The following ZNF492 variants were observed in gnomAD, a reference collection of about 807,000 sequenced individuals.
ZNF492 encodes the protein zinc finger protein 115 (Y20).
A neutral mutation model predicts 6.4 loss-of-function variants in ZNF492; 3 were observed. That is an observed-to-expected ratio of 0.47 (90% CI 0.21 to 1.22). The LOEUF (loss-of-function observed/expected upper bound fraction) is 1.22. ZNF492 is among the 50% of genes most tolerant of loss of function. The pLI is 0.22. For missense variants in ZNF492, 356 were observed against 612.5 expected (o/e 0.58, Z 4.42); for synonymous variants, 112 against 205.3 (o/e 0.55, Z 3.89).
chr19:22,655,153 G>T (rs1971981680), intron 3 of ZNF492, among the ~76,000 whole-genome samples: 1 of 151,714 alleles, frequency 6.6e-6, no homozygotes, highest in Admixed American at 6.6e-5. Context: ...AATTAGTCAG[G>T]CGTGGTGACA....
rs764014944 is a variant in ZNF492, at chr19:22,663,916, A to G, written c.247A>G (p.Lys83Glu). Residue 83 changes from lysine to glutamate, a missense_variant, in exon 4 of 4, where the codon AAA becomes GAA. Physicochemically the swap from Lys to Glu is moderately conservative, Grantham distance 56. Coordinates refer to ENST00000456783, the MANE Select transcript of ZNF492 (RefSeq NM_020855.3). Reference protein sequence around the residue: ...KCGCENLQLRKYCKSMDECKV... With the variant: ...KCGCENLQLREYCKSMDECKV... Reference sequence around the variant, plus strand: ...TGGATGTGAAAATTTACAGTTAAGAAAATACTGTAAAAGCATGGATGAGTG... The same window carrying G: ...TGGATGTGAAAATTTACAGTTAAGAGAATACTGTAAAAGCATGGATGAGTG... 17 of 1,601,916 alleles carry G rather than the reference A, an allele frequency of 1.1e-5. No individual in the cohort carries two copies. The South Asian group carries it at 1.9e-4, about 18-fold the overall frequency.
In ZNF492 at chr19:22,663,996, G is replaced by A. The variant is rs771535854; in HGVS notation, c.327G>A (p.Gln109=). The A allele has an allele frequency of 6.2e-7, 1 of 1,611,392 alleles. No individual in the cohort carries two copies. Among genetic ancestry groups the A allele is most frequent in the Non-Finnish European group, 8.5e-7 (1 of 1,178,612 alleles). The change falls in exon 4 of 4, where the codon CAG becomes CAA. Residue 109 remains glutamine (Q), a synonymous_variant. Transcript: ENST00000456783. The stretch of plus-strand genomic sequence containing the variant: ...TTAACCAGTGTTTGACGACTACCCA[G>A]AACAAAATATTTCAATGTGACAAAT... ...NGLNQCLTTT[Q]NKIFQCDKYV...
chr19:22,640,716 C>G (rs1971817907), intron 1 of ZNF492, among the ~76,000 whole-genome samples: 1 of 152,182 alleles, frequency 6.6e-6, no homozygotes, highest in South Asian at 2.1e-4. Context: ...CTTTGTCCAT[C>G]TACTAGAATT....
intron 3 of ZNF492, among the ~76,000 whole-genome samples, chr19:22,661,176 A>G (rs1213167981): frequency 6.6e-6 from 1 of 151,196 alleles, no homozygotes; most frequent in Non-Finnish European, 1.5e-5. Flanking sequence ...AGGATTTTCC[A>G]GTTGTTTATT....
chr19:22,636,697 C>T (rs916115702), intron 1 of ZNF492, among the ~76,000 whole-genome samples: 2 of 151,270 alleles, frequency 1.3e-5, no homozygotes, highest in African/African-American at 2.4e-5. Context: ...GGCAATGGCA[C>T]GATCTTGGCT....
rs59051481 is a variant in ZNF492 at position 22,652,221 on chromosome 19, C to CTT, written c.-93-1070_-93-1069dup. 3.3e-4 allele frequency among the ~76,000 whole-genome samples: 35 copies of CTT among 105,452 alleles called. 3 individuals are homozygous for CTT. Among genetic ancestry groups the CTT allele is most frequent in the East Asian group, 3.3e-3 (13 of 3,940 alleles). 69.2% of individuals were successfully genotyped at this position (105,452 alleles called of 152,430 possible). ...AATCTGGCAGCTGACCTTTCTTAGG[C>CTT]TTTTTTTTTTTTTTTTTGAGACGGA... On this transcript the variant is annotated intron_variant, in intron 1 of 3. Coordinates refer to ENST00000456783, the MANE Select transcript of ZNF492 (RefSeq NM_020855.3).
chr19:22,644,663 G>A (rs1273145446), intron 1 of ZNF492, among the ~76,000 whole-genome samples: 11 of 152,072 alleles, frequency 7.2e-5, no homozygotes, highest in Non-Finnish European at 1.6e-4. Flanking sequence ...TGTCTTTGCT[G>A]TTGTAAATAG....
chr19:22,658,578 A>G (rs933686388), intron 3 of ZNF492, among the ~76,000 whole-genome samples: 1 of 141,554 alleles, frequency 7.1e-6, no homozygotes, highest in African/African-American at 2.9e-5. Flanking sequence ...TGCTTTATAT[A>G]TCTCATAAAA....
At chr19:22,643,449 A>G (rs893379664) in intron 1 of ZNF492, among the ~76,000 whole-genome samples, 16 of 152,176 alleles carry the variant, frequency 1.1e-4, no homozygotes, top group Non-Finnish European at 1.8e-4. Flanking sequence ...GCCAAGTATA[A>G]GGGACTCTGT....
intron 3 of ZNF492, among the ~76,000 whole-genome samples, chr19:22,663,293 A>G (rs545838330): frequency 2.6e-5 from 4 of 151,970 alleles, no homozygotes; most frequent in African/African-American, 7.2e-5. Flanking sequence ...CCATTGGTCT[A>G]TATATCTGTT....
chr19:22,661,063 T>C (rs554969758), intron 3 of ZNF492, among the ~76,000 whole-genome samples: 1 of 152,266 alleles, frequency 6.6e-6, no homozygotes, highest in Non-Finnish European at 1.5e-5. Context: ...ACTTTCTTCT[T>C]GTCTTTGATT....
intron 2 of ZNF492, 75 bp downstream of exon 2, chr19:22,653,508 T>G: frequency 6.5e-7 from 1 of 1,537,942 alleles, no homozygotes. Context: ...GAATGGTTTT[T>G]GGTAATTTAT....
At chr19:22,653,845 C>T (rs1015901865) in intron 2 of ZNF492, 75 bp from the exon 3 acceptor site, 21 of 1,456,542 alleles carry the variant, frequency 1.4e-5, no homozygotes, top group Non-Finnish European at 1.6e-5. Flanking sequence ...TCTATTACAT[C>T]CTTTTTTCTG....
In ZNF492 at chr19:22,634,354, G is replaced by T; in HGVS notation, c.-214G>T. 1 of 1,093,158 alleles carries T rather than the reference G, an allele frequency of 9.1e-7. No individual in the cohort carries two copies. The highest frequency in any genetic ancestry group is 1.3e-6 in the Non-Finnish European group (1 of 742,152). 67.7% of individuals were successfully genotyped at this position (1,093,158 alleles called of 1,614,324 possible). Reference sequence around the variant, plus strand: ...TGTCTCTCGCTGCAGTCGGAGTATGGTCTAGTGTTCGCTGTTCTGCGTCCT... The same window carrying T: ...TGTCTCTCGCTGCAGTCGGAGTATGTTCTAGTGTTCGCTGTTCTGCGTCCT... On this transcript the variant is annotated 5_prime_UTR_variant, in exon 1 of 4. Coordinates refer to ENST00000456783, the MANE Select transcript of ZNF492 (RefSeq NM_020855.3).
At chr19:22,636,402 ATTAC>A (rs1971763509) in intron 1 of ZNF492, among the ~76,000 whole-genome samples, 1 of 151,078 alleles carries the variant, frequency 6.6e-6, no homozygotes, top group Non-Finnish European at 1.5e-5. Flanking sequence ...AGCCTCAGCT[ATTAC>A]TTAGAAACAA....
chr19:22,652,583 C>CT (rs923532853), intron 1 of ZNF492, among the ~76,000 whole-genome samples: 1,717 of 130,680 alleles, frequency 0.013, 30 homozygotes, highest in East Asian at 0.038. Flanking sequence ...ATTTTCTTTT[C>CT]TTTTTTTTTT....
At chr19:22,647,727 GTTTTTTTTT>G (rs71180575) in intron 1 of ZNF492, among the ~76,000 whole-genome samples, 1 of 92,576 alleles carries the variant, frequency 1.1e-5, no homozygotes, top group Admixed American at 1.2e-4. Context: ...AGCTCTTTTA[GTTTTTTTTT>G]TTTTTTTTTT....
chr19:22,657,782 T>TTAA (rs1972011663), intron 3 of ZNF492, among the ~76,000 whole-genome samples: 1 of 152,172 alleles, frequency 6.6e-6, no homozygotes, highest in African/African-American at 2.4e-5. Flanking sequence ...GGTGTGTGGT[T>TTAA]TAAGAGATAG....
intron 1 of ZNF492, among the ~76,000 whole-genome samples, chr19:22,647,207 A>G (rs1971887280): frequency 7.2e-6 from 1 of 138,654 alleles, no homozygotes; most frequent in African/African-American, 2.8e-5. Context: ...ATGTTTTTTG[A>G]TGTGCTGCTG....
Sources: allele counts gnomAD v4.1 joint callset (sites outside exome capture counted in the v4.1 genomes callset), GRCh38; gene constraint gnomAD v4.1.1; transcripts MANE v1.5; gene names NCBI Gene and HGNC (gene_info 2026-07-23, HGNC 2026-07-21).